The following USP34 variants were observed in gnomAD, a reference collection of about 807,000 sequenced individuals.
The protein encoded by USP34 is ubiquitin specific peptidase 34.
In USP34, 70 loss-of-function variants were observed where a neutral mutation model predicts 460.3. That is an observed-to-expected ratio of 0.15 (90% CI 0.13 to 0.19). USP34 has a LOEUF of 0.19. USP34 is among the 10% of genes least tolerant of loss of function. USP34 has a pLI of 1.00. For missense variants in USP34, 3,985 were observed against 4,236.2 expected, an observed-to-expected ratio of 0.94 and a Z score of 1.65; for synonymous variants, 1,647 against 1,405.3, an observed-to-expected ratio of 1.17 and a Z score of -3.85.
chr2:61,431,518 A>AAGG (rs1291258128), intron 1 of USP34, among the ~76,000 whole-genome samples: 2 of 152,184 alleles, frequency 1.3e-5, no homozygotes, highest in East Asian at 3.8e-4. Flanking sequence ...TGAGTCACTG[A>AAGG]TCCTGGCTTT....
At chr2:61,297,438 A>T (rs774444437) in intron 29 of USP34, among the ~76,000 whole-genome samples, 7 of 152,350 alleles carry the variant, frequency 4.6e-5, no homozygotes, top group Non-Finnish European at 7.3e-5. Flanking sequence ...TTCCATTATC[A>T]TTTGTTAAAT....
intron 20 of USP34, among the ~76,000 whole-genome samples, chr2:61,330,942 AT>A (rs1691242040): frequency 6.6e-6 from 1 of 152,178 alleles, no homozygotes; most frequent in African/African-American, 2.4e-5. Context: ...TTTAGAATCA[AT>A]GCTCTAAACT....
chr2:61,369,991 A>AG (rs1426693601), intron 10 of USP34, among the ~76,000 whole-genome samples: 2 of 151,526 alleles, frequency 1.3e-5, no homozygotes, highest in African/African-American at 2.4e-5. Flanking sequence ...TTTAAAAAAA[A>AG]AAAAAAAAAA....
rs570347999 is a variant in USP34 at position 61,447,375 on chromosome 2, T to TA, written c.43+23274dup. Among the ~76,000 whole-genome samples the TA allele has an allele frequency of 3.1e-3, 472 of 151,886 alleles. 1 individual carries two copies. Among genetic ancestry groups the TA allele is most frequent in the African/African-American group, 0.011 (450 of 41,474 alleles). On this transcript the variant is annotated intron_variant, in intron 1 of 79. Transcript: ENST00000398571. ...TTCATGGTGTCAGGTTCAAGTTTTCTAAAATTTTAATTTTTCTATCAAAGC... is the reference window on the plus strand; with the variant it reads ...TTCATGGTGTCAGGTTCAAGTTTTCTAAAAATTTTAATTTTTCTATCAAAGC...
chr2:61,253,130 T>C (rs1385415868), intron 48 of USP34, among the ~76,000 whole-genome samples: 1 of 152,194 alleles, frequency 6.6e-6, no homozygotes, highest in South Asian at 2.1e-4. Flanking sequence ...ACTTCCTCAA[T>C]TGGCCCATTT....
chr2:61,366,031 A>C (rs987145548), intron 10 of USP34, among the ~76,000 whole-genome samples: 2 of 151,982 alleles, frequency 1.3e-5, no homozygotes, highest in African/African-American at 4.8e-5. Context: ...AGCTTACTAC[A>C]ACCTCTGCCT....
At chr2:61,328,376 TATC>T (rs1691162160) in intron 20 of USP34, among the ~76,000 whole-genome samples, 1 of 150,898 alleles carries the variant, frequency 6.6e-6, no homozygotes, top group East Asian at 2.0e-4. Context: ...AAAATAAAAA[TATC>T]ATCTTTCATG....
chr2:61,333,565 C>T (rs1380758731), intron 19 of USP34, among the ~76,000 whole-genome samples: 1 of 152,042 alleles, frequency 6.6e-6, no homozygotes, highest in Non-Finnish European at 1.5e-5. Flanking sequence ...TAAAGGCATG[C>T]CAGAGTTTAC....
intron 34 of USP34, among the ~76,000 whole-genome samples, chr2:61,286,911 G>C (rs1329293943): frequency 6.6e-6 from 1 of 151,768 alleles, no homozygotes; most frequent in African/African-American, 2.4e-5. Context: ...TGCCAATAAA[G>C]GTCAATAAAC....
intron 1 of USP34, among the ~76,000 whole-genome samples, chr2:61,422,141 T>C (rs1160431719): frequency 2.0e-5 from 3 of 152,092 alleles, no homozygotes; most frequent in Non-Finnish European, 4.4e-5. Flanking sequence ...GCTTAGCAAC[T>C]AGGACAGAAT....
Position 61,236,076 on chromosome 2 carries a change from G to A in USP34, c.6919-3C>T. 1 of 1,604,458 alleles carries A rather than the reference G, an allele frequency of 6.2e-7. No homozygotes were observed. The highest frequency in any genetic ancestry group is 8.5e-7 in the Non-Finnish European group (1 of 1,177,536). On this transcript the variant is annotated splice_polypyrimidine_tract_variant and splice_region_variant and intron_variant, in intron 55 of 79. Coordinates refer to ENST00000398571, the MANE Select transcript of USP34 (RefSeq NM_014709.4). ...TCTAGGACAAAGGAAGTGCTTAACTGTAAGAAAAGATAAAGCAAAAAAGCT... is the reference window on the plus strand; with the variant it reads ...TCTAGGACAAAGGAAGTGCTTAACTATAAGAAAAGATAAAGCAAAAAAGCT...
chr2:61,235,894 C>T lies in USP34; in HGVS notation c.6983G>A (p.Trp2328Ter). Residue 2328 changes from tryptophan (W) to a stop codon, truncating the protein, a stop_gained, in exon 57 of 80, where the codon TGG becomes TAG. Transcript: ENST00000398571. LOFTEE classifies it high-confidence loss of function. ...HSKEKPTMLQ[W>*]IELLTKQFNN... ...AAACTGTTTCGTCAACAGTTCAATC[C>T]ACTGAAGCATCGTGGGCTAGAAAAG... is the stretch of plus-strand genomic sequence containing the variant. 1 of 1,613,578 alleles carries T rather than the reference C, an allele frequency of 6.2e-7. No individual in the cohort carries two copies. The highest frequency in any genetic ancestry group is 8.5e-7 in the Non-Finnish European group (1 of 1,179,890).
At chr2:61,367,627 C>T (rs984788730) in intron 10 of USP34, among the ~76,000 whole-genome samples, 2 of 151,948 alleles carry the variant, frequency 1.3e-5, no homozygotes, top group African/African-American at 4.8e-5. Flanking sequence ...CTCTATATCT[C>T]CATCACTAAA....
intron 67 of USP34, among the ~76,000 whole-genome samples, chr2:61,218,382 G>A (rs778246835): frequency 5.5e-4 from 82 of 150,326 alleles, no homozygotes; most frequent in Non-Finnish European, 1.1e-3. Flanking sequence ...TCACGCCACT[G>A]AAAGGTGCTT....
chr2:61,331,870 T>C lies in USP34; in HGVS notation c.2835-499A>G, dbSNP rs1691278066. Among the ~76,000 whole-genome samples the C allele has an allele frequency of 2.6e-5, 4 of 151,996 alleles. No homozygotes were observed. The South Asian group carries it at 8.3e-4, about 31-fold the overall frequency. ...CAATGAAAACACAAATAGTGGCATA[T>C]ACATTCAGAGATCCCAGGGTCCATA... On this transcript the variant is annotated intron_variant, in intron 19 of 79. Transcript: ENST00000398571.
intron 1 of USP34, among the ~76,000 whole-genome samples, chr2:61,445,395 C>T (rs951203941): frequency 2.0e-5 from 3 of 151,564 alleles, no homozygotes; most frequent in East Asian, 2.0e-4. Context: ...GTTAGCGGGG[C>T]GTGGTGGCAA....
intron 2 of USP34, among the ~76,000 whole-genome samples, chr2:61,419,875 T>C (rs1172941317): frequency 6.6e-6 from 1 of 152,142 alleles, no homozygotes; most frequent in Non-Finnish European, 1.5e-5. Context: ...TGAAATTCAG[T>C]GAGACTCAGA....
chr2:61,316,335 A>G (rs1199156518), intron 23 of USP34, among the ~76,000 whole-genome samples: 3 of 152,224 alleles, frequency 2.0e-5, no homozygotes, highest in Non-Finnish European at 4.4e-5. Context: ...CTATAATCCC[A>G]GCACTTTGGG....
chr2:61,253,270 T>C (rs1195261975), intron 48 of USP34, among the ~76,000 whole-genome samples: 1 of 152,230 alleles, frequency 6.6e-6, no homozygotes, highest in African/African-American at 2.4e-5. Context: ...AAGGGAGTTA[T>C]CAAGAACGAC....
Sources: gnomAD v4.1 joint callset for allele counts (sites outside exome capture counted in the v4.1 genomes callset) on GRCh38, gnomAD v4.1.1 for gene constraint, MANE v1.5 for transcripts, NCBI Gene and HGNC (gene_info 2026-07-23, HGNC 2026-07-21) for gene names.